ICAM2: variants seen among roughly 807,000 people sequenced by gnomAD.
ICAM2 encodes ICAM-2.
ICAM2 carries 14 observed loss-of-function variants against 19.1 expected under a neutral mutation model. That is an observed-to-expected ratio of 0.73 (90% CI 0.48 to 1.15). The LOEUF is 1.15. Ranked by LOEUF, ICAM2 falls within the 50% of genes most tolerant of loss-of-function variation. The pLI, the probability that ICAM2 is intolerant of heterozygous loss-of-function variation, is 0.00. For synonymous variants in ICAM2, 153 were observed against 152.7 expected (o/e 1.00, Z -0.01); for missense variants, 311 against 355.4 (o/e 0.88, Z 1.00).
At chr17:64,017,163 T>C (rs1911747613) in intron 1 of ICAM2, among the ~76,000 whole-genome samples, 1 of 152,134 alleles carries the variant, frequency 6.6e-6, no homozygotes, top group East Asian at 1.9e-4. Flanking sequence ...GGAAAGGCGA[T>C]CAAAACCATC....
In ICAM2 at chr17:64,002,889, G is replaced by T; in HGVS notation, c.686C>A (p.Thr229Lys). ...CAGGGACAGCAACACCGACACCACC[G>T]TGACTATGATGACCATCTGGCTGTC... The part of the protein sequence containing the change: ...VSDSQMVIIV[T>K]VVSVLLSLFV... Residue 229 changes from threonine to lysine, a missense_variant, in exon 5 of 5, where the codon ACG becomes AAG. Coordinates refer to ENST00000579788, the MANE Select transcript of ICAM2 (RefSeq NM_001099789.2). 2 of 1,613,890 alleles carry T rather than the reference G, an allele frequency of 1.2e-6. No homozygotes were observed. The highest frequency in any genetic ancestry group is 8.5e-7 in the Non-Finnish European group (1 of 1,179,934).
Position 64,003,071 on chromosome 17 carries a change from A to C in ICAM2, c.650-146T>G, listed in dbSNP as rs1910912140. The C allele has an allele frequency of 6.3e-6, 4 of 638,688 alleles. No individual in the cohort carries two copies. The South Asian group carries it at 8.0e-5, about 13-fold the overall frequency. The allele number at this position is 638,688 out of a possible 1,614,324, so 39.6% of individuals were successfully genotyped here. On this transcript the variant is annotated intron_variant, in intron 4 of 4. Coordinates refer to ENST00000579788, the MANE Select transcript of ICAM2 (RefSeq NM_001099789.2). The stretch of plus-strand genomic sequence containing the variant: ...AGCAGTCACCCCAGTTGCAGAGATG[A>C]GTGGTGAATGGTGTCTGCATTAAAA...
chr17:64,014,706 G>A (rs376808529), intron 1 of ICAM2, among the ~76,000 whole-genome samples: 138 of 86,260 alleles, frequency 1.6e-3, no homozygotes, highest in African/African-American at 5.1e-3. Flanking sequence ...AGGAAGGAAG[G>A]AAGGAAGGAA....
Position 64,002,791 on chromosome 17 carries a change from C to T in ICAM2, c.784G>A (p.Val262Met). Residue 262 changes from valine (V) to methionine (M), a missense_variant, in exon 5 of 5, where the codon GTG (valine) becomes ATG (methionine). Coordinates refer to ENST00000579788, the MANE Select transcript of ICAM2 (RefSeq NM_001099789.2). ...LRQQRMGTYG[V>M]RAAWRRLPQA... ...GGCAGCCTCCTCCAAGCCGCTCGCA[C>T]CCCGTAGGTGCCCATCCGCTGCTGG... 2.5e-6 allele frequency: 4 copies of T among 1,613,546 alleles called. No homozygotes were observed. The highest frequency in any genetic ancestry group is 1.1e-5 in the South Asian group (1 of 91,060).
chr17:64,018,087 A>G (rs1023762956), intron 1 of ICAM2, among the ~76,000 whole-genome samples: 5 of 152,142 alleles, frequency 3.3e-5, no homozygotes, highest in African/African-American at 1.2e-4. Flanking sequence ...TGACGCCAGC[A>G]CTTTGGGAGG....
rs566351608 is a variant in ICAM2 at position 64,019,439 on chromosome 17, TA to T, written c.-45+1083del. Among the ~76,000 whole-genome samples, 342 of 151,902 alleles carry T rather than the reference TA, an allele frequency of 2.3e-3. 1 individual carries two copies. The highest frequency in any genetic ancestry group is 0.01 in the Middle Eastern group (3 of 292). ...TAAATAAATAGAGATGCATATGTAATAAAGCACTTAAAAATAAGAGAACAAT... is the reference window on the plus strand; with the variant it reads ...TAAATAAATAGAGATGCATATGTAATAAGCACTTAAAAATAAGAGAACAAT... On this transcript the variant is annotated intron_variant, in intron 1 of 4. Coordinates refer to ENST00000579788, the MANE Select transcript of ICAM2 (RefSeq NM_001099789.2).
Position 64,003,629 on chromosome 17 carries a change from C to T in ICAM2, c.649+15G>A, listed in dbSNP as rs373580527. Reference sequence around the variant, plus strand: ...GACTTATCACTCCCAACTCCATCCACGGATCCCCCCTCACCATAGATCTCC... The same window carrying T: ...GACTTATCACTCCCAACTCCATCCATGGATCCCCCCTCACCATAGATCTCC... On this transcript the variant is annotated intron_variant, in intron 4 of 4. Transcript: ENST00000579788. The T allele has an allele frequency of 1.2e-4, 200 of 1,602,680 alleles. No individual in the cohort carries two copies. The highest frequency in any genetic ancestry group is 4.9e-4 in the East Asian group (22 of 44,750).
chr17:64,007,379 C>T (rs1413766787), intron 1 of ICAM2, among the ~76,000 whole-genome samples: 1 of 152,100 alleles, frequency 6.6e-6, no homozygotes, highest in Non-Finnish European at 1.5e-5. Context: ...TCTCCTGCCT[C>T]AGCCTCCAGA....
At chr17:64,018,670 C>T (rs1176918806) in intron 1 of ICAM2, among the ~76,000 whole-genome samples, 3 of 148,830 alleles carry the variant, frequency 2.0e-5, no homozygotes, top group South Asian at 2.1e-4. Flanking sequence ...GCCCTAGAAA[C>T]GCTGTCACAC....
At chr17:64,003,101 T>C (rs1464315504) in intron 4 of ICAM2, 176 bp from the exon 5 acceptor site, 1 of 589,850 alleles carries the variant, frequency 1.7e-6, no homozygotes, top group Non-Finnish European at 3.0e-6. Context: ...TTAAAATTAT[T>C]ATCTGGAAAA....
rs137961364 is a variant in ICAM2, at chr17:64,003,786, C to G, written c.507G>C (p.Gln169His). ...ETFGKAAPAP[Q>H]EATATFNSTA... is the part of the protein sequence containing the mutation. ...TGCTGTTGAATGTGGCTGTGGCCTC[C>G]TGCGGAGCAGGGGCTGCCTTCCCGA... Residue 169 changes from glutamine (Q) to histidine (H), a missense_variant, in exon 4 of 5, where the codon CAG (glutamine) becomes CAC (histidine). By Grantham distance (24) the Gln-to-His change is conservative. Coordinates refer to ENST00000579788, the MANE Select transcript of ICAM2 (RefSeq NM_001099789.2). The G allele has an allele frequency of 1.2e-5, 19 of 1,614,136 alleles. No homozygotes were observed. The African/African-American group carries it at 2.5e-4, about 22-fold the overall frequency.
At chr17:64,018,785 G>A (rs1567851192) in intron 1 of ICAM2, among the ~76,000 whole-genome samples, 1 of 138,282 alleles carries the variant, frequency 7.2e-6, no homozygotes, top group African/African-American at 2.7e-5. Flanking sequence ...GCAGTGGCGC[G>A]ATCTTGGCTT....
At chr17:64,019,817 C>CAAA (rs11342409) in intron 1 of ICAM2, among the ~76,000 whole-genome samples, 23 of 53,814 alleles carry the variant, frequency 4.3e-4, no homozygotes, top group African/African-American at 1.3e-3. Context: ...AACTCTGTCT[C>CAAA]AAAAAAAAAA....
At chr17:64,003,099 A>C in intron 4 of ICAM2, 174 bp from the exon 5 acceptor site, 1 of 590,910 alleles carries the variant, frequency 1.7e-6, no homozygotes, top group Non-Finnish European at 3.0e-6. Flanking sequence ...CATTAAAATT[A>C]TTATCTGGAA....
chr17:64,003,627 C>A lies in ICAM2; in HGVS notation c.649+17G>T. Reference sequence around the variant, plus strand: ...GTGACTTATCACTCCCAACTCCATCCACGGATCCCCCCTCACCATAGATCT... The same window carrying A: ...GTGACTTATCACTCCCAACTCCATCAACGGATCCCCCCTCACCATAGATCT... On this transcript the variant is annotated intron_variant, in intron 4 of 4. Coordinates refer to ENST00000579788, the MANE Select transcript of ICAM2 (RefSeq NM_001099789.2). The A allele has an allele frequency of 6.2e-7, 1 of 1,602,090 alleles. No homozygotes were observed.
chr17:64,009,063 G>A (rs780256163), intron 1 of ICAM2, among the ~76,000 whole-genome samples: 4 of 152,178 alleles, frequency 2.6e-5, no homozygotes, highest in Admixed American at 1.3e-4. Context: ...TATTCTAACC[G>A]TTGACACATC....
chr17:64,014,335 GAAAGAAA>G lies in ICAM2; in HGVS notation c.-45+6181_-45+6187del, dbSNP rs1567849221. Among the ~76,000 whole-genome samples, 18 of 40,464 alleles carry G rather than the reference GAAAGAAA, an allele frequency of 4.4e-4. 3 individuals carry two copies. The highest frequency in any genetic ancestry group is 8.2e-4 in the Non-Finnish European group (16 of 19,604). The allele number at this position is 40,464 out of a possible 152,430, so 26.5% of individuals were successfully genotyped here. ...AGAAGGAAGGAAGGAAGGAAGGAAA[GAAAGAAA>G]GAAAGAAAGAAAGAAAGAAAGAAAG... On this transcript the variant is annotated intron_variant, in intron 1 of 4. Coordinates refer to ENST00000579788, the MANE Select transcript of ICAM2 (RefSeq NM_001099789.2).
intron 1 of ICAM2, among the ~76,000 whole-genome samples, chr17:64,008,052 G>A (rs573130102): frequency 4.2e-4 from 64 of 152,296 alleles, no homozygotes; most frequent in Non-Finnish European, 8.1e-4. Context: ...GCTCCATTCC[G>A]GGTTGGGAGG....
intron 1 of ICAM2, among the ~76,000 whole-genome samples, chr17:64,015,650 G>C (rs991659119): frequency 6.6e-6 from 1 of 152,120 alleles, no homozygotes; most frequent in Admixed American, 6.5e-5. Context: ...GGAGTTAGGG[G>C]GATGGCTTGA....
Sources: allele counts gnomAD v4.1 joint callset (sites outside exome capture counted in the v4.1 genomes callset), GRCh38; gene constraint gnomAD v4.1.1; transcripts MANE v1.5; gene names NCBI Gene and HGNC (gene_info 2026-07-23, HGNC 2026-07-21).